The following C11orf65 variants were observed in gnomAD, a reference collection of about 807,000 sequenced individuals.
C11orf65 encodes chromosome 11 open reading frame 65.
In C11orf65, 38 loss-of-function variants were observed where a neutral mutation model predicts 35.3. The observed-to-expected ratio is 1.08, with a 90% confidence interval of 0.83 to 1.41. The LOEUF (loss-of-function observed/expected upper bound fraction) is 1.41. Ranked by LOEUF, C11orf65 falls within the 40% of genes most tolerant of loss-of-function variation. The pLI, the probability that C11orf65 is intolerant of heterozygous loss-of-function variation, is 0.00. For synonymous variants in C11orf65, 105 were observed against 114.4 expected, an observed-to-expected ratio of 0.92 and a Z score of 0.53; for missense variants, 370 against 367.1, an observed-to-expected ratio of 1.01 and a Z score of -0.06.
chr11:108,393,359 C>A lies in C11orf65; in HGVS notation c.580G>T (p.Glu194Ter), dbSNP rs752598312. 6.2e-7 allele frequency: 1 copy of A among 1,613,850 alleles called. No individual in the cohort carries two copies. The highest frequency in any genetic ancestry group is 8.5e-7 in the Non-Finnish European group (1 of 1,179,844). Reference protein sequence around the residue: ...MRQMYYSGSLEAKSTHHETLG... With the variant: ...MRQMYYSGSL ...GTTTCATGATGTGTTGACTTAGCCT[C>A]CAGACTTCCTGAGTAGTACCTAAAT... Residue 194 changes from glutamate to a stop codon, truncating the protein, a stop_gained, in exon 7 of 9, where the codon GAG becomes TAG. Coordinates refer to ENST00000393084, the MANE Select transcript of C11orf65 (RefSeq NM_152587.5). LOFTEE classifies it high-confidence loss of function.
exon 7 of C11orf65, chr11:108,308,980 G>T (rs1219980562): frequency 6.6e-7 from 1 of 1,514,010 alleles, no homozygotes; most frequent in Admixed American, 2.0e-5. Flanking sequence ...CTTACCATTG[G>T]GGTAGAATGG....
At chr11:108,316,214 T>C (rs2084635905) in intron 6 of C11orf65, 6 of 1,102,882 alleles carry the variant, frequency 5.4e-6, no homozygotes, top group East Asian at 2.5e-5. Context: ...ACTCTAGAGA[T>C]AAGACTAGAA....
chr11:108,407,193 C>T, intron 3 of C11orf65, 44 bp from the exon 4 acceptor site: 1 of 1,296,060 alleles, frequency 7.7e-7, no homozygotes, highest in Non-Finnish European at 1.1e-6. Flanking sequence ...CTTCAGGATT[C>T]TGTATGTATC....
chr11:108,382,498 T>C (rs2091885738), downstream of C11orf65, among the ~76,000 whole-genome samples: 1 of 151,778 alleles, frequency 6.6e-6, no homozygotes, highest in Non-Finnish European at 1.5e-5. Flanking sequence ...TGACATAAAA[T>C]AGGCAGTAAC....
intron 6 of C11orf65, among the ~76,000 whole-genome samples, chr11:108,395,306 A>G (rs956206248): frequency 1.3e-4 from 20 of 151,914 alleles, no homozygotes; most frequent in Non-Finnish European, 2.2e-4. Context: ...GCCTGGGTAA[A>G]ATAGGGACAA....
At chr11:108,363,341 T>G (rs2091007936) in intron 2 of C11orf65, among the ~76,000 whole-genome samples, 1 of 152,186 alleles carries the variant, frequency 6.6e-6, no homozygotes, top group African/African-American at 2.4e-5. Context: ...TGTATTTCCC[T>G]TTTCTTTTCA....
intron 2 of C11orf65, among the ~76,000 whole-genome samples, chr11:108,448,241 T>G (rs2093293980): frequency 6.6e-6 from 1 of 152,158 alleles, no homozygotes; most frequent in Admixed American, 6.5e-5. Context: ...CTGAAACTAT[T>G]CCAATCAATA....
chr11:108,347,697 T>C (rs2088626561), intron 2 of C11orf65, among the ~76,000 whole-genome samples: 1 of 152,058 alleles, frequency 6.6e-6, no homozygotes, highest in East Asian at 1.9e-4. Context: ...TGTAGCATGT[T>C]GTGGGAGTGG....
upstream of C11orf65, among the ~76,000 whole-genome samples, chr11:108,469,037 G>C (rs2093562226): frequency 6.6e-6 from 1 of 151,898 alleles, no homozygotes; most frequent in Non-Finnish European, 1.5e-5. Context: ...GTAGAGACGG[G>C]GTTTTACTGT....
At position 108,421,253 on chromosome 11, in the gene C11orf65, T is replaced by A. The variant is rs140289604; in HGVS notation, c.174+10493A>T. Among the ~76,000 whole-genome samples the A allele has an allele frequency of 2.8e-3, 433 of 152,334 alleles. 1 individual carries two copies. Among genetic ancestry groups the A allele is most frequent in the Non-Finnish European group, 4.9e-3 (334 of 68,028 alleles). On this transcript the variant is annotated intron_variant, in intron 3 of 8. Transcript: ENST00000393084. ...TATTGCCTGAGGTGGCTGCAGGTTG[T>A]ATATGATTTTAAATCCTATAAGCTG... is the stretch of plus-strand genomic sequence containing the variant.
At chr11:108,425,356 A>G (rs1565679359) in intron 3 of C11orf65, among the ~76,000 whole-genome samples, 1 of 152,232 alleles carries the variant, frequency 6.6e-6, no homozygotes, top group Non-Finnish European at 1.5e-5. Flanking sequence ...ATCATCAGAG[A>G]ATACTATACA....
intron 6 of C11orf65, among the ~76,000 whole-genome samples, chr11:108,309,407 T>C (rs1395110734): frequency 3.9e-5 from 6 of 152,210 alleles, no homozygotes. Flanking sequence ...CATTATTTAA[T>C]TGTTGCACCC....
intron 2 of C11orf65, among the ~76,000 whole-genome samples, chr11:108,342,164 C>A (rs1240826929): frequency 6.6e-6 from 1 of 152,034 alleles, no homozygotes; most frequent in Non-Finnish European, 1.5e-5. Context: ...CAAGGCAATT[C>A]TTCCAGTGTG....
intron 2 of C11orf65, among the ~76,000 whole-genome samples, chr11:108,439,645 G>A (rs1159794635): frequency 6.6e-6 from 1 of 152,148 alleles, no homozygotes; most frequent in African/African-American, 2.4e-5. Flanking sequence ...TCCATCCTTA[G>A]AAAGGAATGA....
chr11:108,425,360 C>T (rs1429968451), intron 3 of C11orf65, among the ~76,000 whole-genome samples: 4 of 152,172 alleles, frequency 2.6e-5, no homozygotes, highest in African/African-American at 9.7e-5. Context: ...TCAGAGAATA[C>T]TATACACACC....
At chr11:108,370,612 G>GTTTTTTTTTTTTTTTTTTTTTTTTTTT (rs199864432) in intron 2 of C11orf65, among the ~76,000 whole-genome samples, 1 of 147,280 alleles carries the variant, frequency 6.8e-6, no homozygotes. Flanking sequence ...TTGCTGCAGG[G>GTTTTTTTTTTTTTTTTTTTTTTTTTTT]TTTTGTTTTG....
At chr11:108,446,150 G>A (rs1159783519) in intron 2 of C11orf65, among the ~76,000 whole-genome samples, 2 of 150,580 alleles carry the variant, frequency 1.3e-5, no homozygotes, top group Non-Finnish European at 3.0e-5. Flanking sequence ...CCAAATCTAC[G>A]TCTGATTGGT....
At chr11:108,384,272 T>C (rs179110) in intron 8 of C11orf65, among the ~76,000 whole-genome samples, 42,784 of 152,030 alleles carry the variant, frequency 0.28, 7,225 homozygotes, top group Middle Eastern at 0.54. Context: ...TGAAGGCAAC[T>C]TGGGCTGAGT....
At chr11:108,409,055 T>G (rs2092609934) in intron 3 of C11orf65, among the ~76,000 whole-genome samples, 1 of 152,202 alleles carries the variant, frequency 6.6e-6, no homozygotes, top group African/African-American at 2.4e-5. Context: ...GGACAGATCT[T>G]AAGTGTACAG....
Sources: allele counts gnomAD v4.1 joint callset (sites outside exome capture counted in the v4.1 genomes callset), GRCh38; gene constraint gnomAD v4.1.1; transcripts MANE v1.5; gene names NCBI Gene and HGNC (gene_info 2026-07-23, HGNC 2026-07-21).